PDE4B: variants seen among roughly 807,000 people sequenced by gnomAD.
PDE4B encodes phosphodiesterase 4B, also known as 3',5'-cyclic-AMP phosphodiesterase 4B.
A neutral mutation model predicts 82.2 loss-of-function variants in PDE4B; 20 were observed. The ratio of observed to expected loss-of-function variants is 0.24; its 90% CI spans 0.17 to 0.35. The LOEUF (loss-of-function observed/expected upper bound fraction) is 0.35. PDE4B is among the 10% of genes least tolerant of loss of function. The pLI, the probability that PDE4B is intolerant of heterozygous loss-of-function variation, is 1.00. For synonymous variants in PDE4B, 320 were observed against 318.9 expected, an observed-to-expected ratio of 1.00 and a Z score of -0.04; for missense variants, 655 against 907.2, an observed-to-expected ratio of 0.72 and a Z score of 3.57.
At chr1:66,203,918 G>T (rs564709898) in intron 3 of PDE4B, among the ~76,000 whole-genome samples, 2 of 152,278 alleles carry the variant, frequency 1.3e-5, no homozygotes, top group East Asian at 3.9e-4. Context: ...AGGAGGAGAG[G>T]TGCTCTGCTT....
intron 3 of PDE4B, among the ~76,000 whole-genome samples, chr1:65,946,295 C>G (rs778413446): frequency 4.6e-5 from 7 of 151,948 alleles, no homozygotes; most frequent in Non-Finnish European, 1.0e-4. Flanking sequence ...GCTGGGGTCA[C>G]CTGATTTTAT....
chr1:66,183,404 T>C (rs1647112793), intron 3 of PDE4B, among the ~76,000 whole-genome samples: 1 of 152,208 alleles, frequency 6.6e-6, no homozygotes, highest in Non-Finnish European at 1.5e-5. Context: ...TATGTTCAGA[T>C]GCTAATTTTT....
chr1:66,065,538 A>G (rs1179423042), intron 3 of PDE4B, among the ~76,000 whole-genome samples: 1 of 151,766 alleles, frequency 6.6e-6, no homozygotes, highest in Non-Finnish European at 1.5e-5. Flanking sequence ...TCTTTTTTCA[A>G]TAAGTCTGTT....
At chr1:66,228,853 A>G (rs1441631048) in intron 3 of PDE4B, among the ~76,000 whole-genome samples, 2 of 152,152 alleles carry the variant, frequency 1.3e-5, no homozygotes, top group Admixed American at 1.3e-4. Flanking sequence ...AAAAACGAGG[A>G]AAGGGTAAAA....
At chr1:66,019,850 T>C (rs1200309890) in intron 3 of PDE4B, among the ~76,000 whole-genome samples, 2 of 152,208 alleles carry the variant, frequency 1.3e-5, no homozygotes, top group South Asian at 2.1e-4. Flanking sequence ...TTTGAGGAAC[T>C]AGTTGAGTAG....
At chr1:66,049,984 T>C (rs947736802) in intron 3 of PDE4B, among the ~76,000 whole-genome samples, 5 of 152,078 alleles carry the variant, frequency 3.3e-5, no homozygotes, top group Admixed American at 6.6e-5. Context: ...TTTAAAACTA[T>C]TTTTAGAAGA....
At position 66,363,659 on chromosome 1, in the gene PDE4B, C is replaced by T. The variant is rs1662998225; in HGVS notation, c.1284+88C>T. 3 of 1,065,320 alleles carry T rather than the reference C, an allele frequency of 2.8e-6. No individual in the cohort carries two copies. The East Asian group carries it at 7.5e-5, about 27-fold the overall frequency. The allele number at this position is 1,065,320 out of a possible 1,614,324, so 66.0% of individuals were successfully genotyped here. ...GGATGTAGTAGCATGTGCCTGTAGT[C>T]CTAGCTACTCGGGAGGCTGAGTTGG... On this transcript the variant is annotated intron_variant, in intron 12 of 16. Coordinates refer to ENST00000341517, the MANE Select transcript of PDE4B (RefSeq NM_002600.4).
chr1:66,258,782 A>G (rs541227419), intron 6 of PDE4B, among the ~76,000 whole-genome samples: 2 of 152,210 alleles, frequency 1.3e-5, no homozygotes, highest in Admixed American at 6.5e-5. Flanking sequence ...TCAGTCCTTT[A>G]CTTTGCTTTC....
chr1:66,181,407 G>C (rs1647060343), intron 3 of PDE4B, among the ~76,000 whole-genome samples: 1 of 152,088 alleles, frequency 6.6e-6, no homozygotes, highest in South Asian at 2.1e-4. Flanking sequence ...GAAAAAGCAA[G>C]TCTCCTGCAC....
At chr1:66,255,773 GT>G in intron 4 of PDE4B, among the ~76,000 whole-genome samples, 1 of 152,266 alleles carries the variant, frequency 6.6e-6, no homozygotes, top group Non-Finnish European at 1.5e-5. Flanking sequence ...GTCTATTACA[GT>G]TTTTAAAATA....
chr1:66,080,153 G>A (rs1656648963), intron 3 of PDE4B, among the ~76,000 whole-genome samples: 1 of 152,054 alleles, frequency 6.6e-6, no homozygotes, highest in African/African-American at 2.4e-5. Flanking sequence ...GAGAATAATG[G>A]GAGCTATTGA....
chr1:65,853,197 T>C (rs1469494015), intron 1 of PDE4B, among the ~76,000 whole-genome samples: 1 of 152,080 alleles, frequency 6.6e-6, no homozygotes, highest in East Asian at 1.9e-4. Flanking sequence ...TTAAAAACAG[T>C]ATTCTTATGA....
intron 3 of PDE4B, among the ~76,000 whole-genome samples, chr1:66,221,036 A>G (rs903152195): frequency 2.6e-5 from 4 of 152,184 alleles, no homozygotes; most frequent in Non-Finnish European, 4.4e-5. Flanking sequence ...TATCTTTGAT[A>G]AACTTAAACA....
intron 1 of PDE4B, among the ~76,000 whole-genome samples, chr1:65,896,776 G>T (rs1185683746): frequency 6.6e-6 from 1 of 152,088 alleles, no homozygotes; most frequent in African/African-American, 2.4e-5. Context: ...TCGTCCTTTT[G>T]TGGTGATTGT....
intron 3 of PDE4B, among the ~76,000 whole-genome samples, chr1:66,128,878 C>A (rs553551175): frequency 9.2e-5 from 14 of 152,252 alleles, no homozygotes; most frequent in African/African-American, 3.4e-4. Flanking sequence ...TTATTCACTA[C>A]CATGAGAACA....
At chr1:66,226,483 A>T (rs1651464837) in intron 3 of PDE4B, among the ~76,000 whole-genome samples, 1 of 152,250 alleles carries the variant, frequency 6.6e-6, no homozygotes, top group Non-Finnish European at 1.5e-5. Flanking sequence ...ACTAGACCAG[A>T]AAACCCTCCT....
chr1:65,808,912 G>A (rs1203708238), intron 1 of PDE4B, among the ~76,000 whole-genome samples: 1 of 152,178 alleles, frequency 6.6e-6, no homozygotes, highest in Admixed American at 6.5e-5. Context: ...CAACTTAAGA[G>A]TAGCTCATTT....
At chr1:65,910,525 A>T (rs76508576) in intron 1 of PDE4B, among the ~76,000 whole-genome samples, 2,961 of 152,260 alleles carry the variant, frequency 0.019, 102 homozygotes, top group African/African-American at 0.069. Context: ...TAGGAAATAG[A>T]TTGTTCTCTT....
intron 3 of PDE4B, among the ~76,000 whole-genome samples, chr1:66,105,655 C>T (rs1423389147): frequency 5.9e-5 from 9 of 152,114 alleles, no homozygotes; most frequent in East Asian, 1.9e-4. Context: ...AAGTCCTTCA[C>T]GTCCCTTGTA....
Sources: allele counts gnomAD v4.1 joint callset (sites outside exome capture counted in the v4.1 genomes callset), GRCh38; gene constraint gnomAD v4.1.1; transcripts MANE v1.5; gene names NCBI Gene and HGNC (gene_info 2026-07-23, HGNC 2026-07-21).